TCF12: variants seen among roughly 807,000 people sequenced by gnomAD.
TCF12 encodes the protein transcription factor 12, also known as DNA-binding protein HTF4.
Under a neutral mutation model 86.0 loss-of-function variants are expected in TCF12, and 45 were observed. That is an observed-to-expected ratio of 0.52 (90% CI 0.41 to 0.67). The LOEUF (loss-of-function observed/expected upper bound fraction) is 0.67, where lower values mean the gene tolerates loss of function less well. TCF12 is among the 30% of genes least tolerant of loss of function. The pLI is 0.00. For synonymous variants in TCF12, 330 were observed against 299.6 expected (o/e 1.10, Z -1.05); for missense variants, 881 against 859.9 (o/e 1.02, Z -0.31).
At chr15:56,922,226 C>T (rs1440662345) in intron 3 of TCF12, among the ~76,000 whole-genome samples, 3 of 151,888 alleles carry the variant, frequency 2.0e-5, no homozygotes, top group African/African-American at 7.2e-5. Flanking sequence ...ACTAATAATT[C>T]ATTCTCAGGA....
intron 5 of TCF12, among the ~76,000 whole-genome samples, chr15:57,100,342 A>G (rs1220959560): frequency 6.6e-6 from 1 of 151,914 alleles, no homozygotes; most frequent in East Asian, 1.9e-4. Flanking sequence ...AATTTGGGAC[A>G]CTGTTTTGAT....
In TCF12 at chr15:57,135,454, C is replaced by T. The variant is rs189030738; in HGVS notation, c.326-30948C>T. Among the ~76,000 whole-genome samples the T allele has an allele frequency of 7.2e-5, 11 of 152,120 alleles. No homozygotes were observed. The East Asian group carries it at 7.7e-4, about 11-fold the overall frequency. On this transcript the variant is annotated intron_variant, in intron 5 of 20. Transcript: ENST00000333725. ...TAAGCTGATACTGCTTTTGTCTTTA[C>T]GGTAGTATCCAAAATGAATTTTCCT...
rs1276995910 is a variant in TCF12 at position 57,113,213 on chromosome 15, C to G, written c.325+21322C>G. Reference sequence around the variant, plus strand: ...AATATTCACTTTCACAAGTTTTTGCCTTTCCTAGATGACACTGAATTTCTT... The same window carrying G: ...AATATTCACTTTCACAAGTTTTTGCGTTTCCTAGATGACACTGAATTTCTT... On this transcript the variant is annotated intron_variant, in intron 5 of 20. Transcript: ENST00000333725. Among the ~76,000 whole-genome samples the G allele has an allele frequency of 2.6e-5, 4 of 152,160 alleles. No homozygotes were observed. The East Asian group carries it at 5.8e-4, about 22-fold the overall frequency.
intron 8 of TCF12, among the ~76,000 whole-genome samples, chr15:57,209,794 C>T (rs1566920303): frequency 6.6e-6 from 1 of 152,150 alleles, no homozygotes; most frequent in Non-Finnish European, 1.5e-5. Flanking sequence ...AAGACACCTG[C>T]CACCTTTCAG....
At chr15:57,142,559 A>C (rs1176304221) in intron 5 of TCF12, among the ~76,000 whole-genome samples, 1 of 152,228 alleles carries the variant, frequency 6.6e-6, no homozygotes, top group African/African-American at 2.4e-5. Context: ...AATTCTTTGA[A>C]TAAAGTAGGA....
chr15:57,127,650 A>G (rs755601666), intron 5 of TCF12, among the ~76,000 whole-genome samples: 10 of 152,230 alleles, frequency 6.6e-5, no homozygotes, highest in Admixed American at 2.0e-4. Flanking sequence ...ATAGTAATCA[A>G]TAGTAAAAAC....
At position 56,919,929 on chromosome 15, in the gene TCF12, C is replaced by G. The variant is rs1318106146; in HGVS notation, c.16C>G (p.Gln6Glu). Residue 6 changes from glutamine (Q) to glutamate (E), a missense_variant, in exon 2 of 21, where the codon CAA becomes GAA. Gln to Glu is a conservative substitution (Grantham distance 29). This residue lies in a region of TCF12 where 766 missense variants were observed against 718.9 expected (regional missense o/e 1.07). Coordinates refer to ENST00000333725, the MANE Select transcript of TCF12 (RefSeq NM_207037.2). MNPQQ[Q>E]RMAAIGTDKE... ...GTGGCCGAAGATGAATCCCCAGCAA[C>G]AACGCATGGCCGCTATAGGGACCGA... 4 of 1,614,096 alleles carry G rather than the reference C, an allele frequency of 2.5e-6. No individual in the cohort carries two copies. The highest frequency in any genetic ancestry group is 3.4e-6 in the Non-Finnish European group (4 of 1,179,990).
chr15:57,183,832 A>C (rs1337112021), intron 6 of TCF12, among the ~76,000 whole-genome samples: 4 of 152,156 alleles, frequency 2.6e-5, no homozygotes, highest in Non-Finnish European at 5.9e-5. Flanking sequence ...AATTTGTTCA[A>C]GATTACCAGT....
At chr15:57,270,057 G>T (rs947244529) in intron 18 of TCF12, among the ~76,000 whole-genome samples, 16 of 152,146 alleles carry the variant, frequency 1.1e-4, no homozygotes, top group African/African-American at 3.4e-4. Flanking sequence ...ATCTTGAGGA[G>T]TATCTTTGTG....
At chr15:56,978,707 A>G (rs774377855) in intron 3 of TCF12, among the ~76,000 whole-genome samples, 30 of 152,196 alleles carry the variant, frequency 2.0e-4, no homozygotes, top group Non-Finnish European at 3.7e-4. Flanking sequence ...TTTCCTTGAT[A>G]GAAAAATATC....
At chr15:57,214,695 A>G (rs1213999232) in intron 8 of TCF12, among the ~76,000 whole-genome samples, 1 of 152,206 alleles carries the variant, frequency 6.6e-6, no homozygotes, top group East Asian at 1.9e-4. Context: ...TTGATATCCA[A>G]ATAAGTTATT....
chr15:57,209,534 T>C (rs1394637368), intron 8 of TCF12, among the ~76,000 whole-genome samples: 1 of 152,242 alleles, frequency 6.6e-6, no homozygotes, highest in Non-Finnish European at 1.5e-5. Context: ...TATATTTCTC[T>C]TACTAGAATT....
At chr15:57,037,749 C>G (rs2066606365) in intron 3 of TCF12, among the ~76,000 whole-genome samples, 2 of 152,144 alleles carry the variant, frequency 1.3e-5, no homozygotes, top group Non-Finnish European at 2.9e-5. Flanking sequence ...TTTCCTTTTT[C>G]ATTCTTATGA....
intron 3 of TCF12, among the ~76,000 whole-genome samples, chr15:56,940,465 C>T (rs574379483): frequency 3.3e-5 from 5 of 150,306 alleles, no homozygotes; most frequent in Non-Finnish European, 7.4e-5. Context: ...TTTCTTCTTC[C>T]TCTTCTTCTT....
chr15:57,252,505 T>A lies in TCF12; in HGVS notation c.1260+13T>A, dbSNP rs781186073. Reference sequence around the variant, plus strand: ...GGATGTCTGTGAGGTACTATTTCTTTTAGATGGTGCCTTTTTTGTGTTTCA... The same window carrying A: ...GGATGTCTGTGAGGTACTATTTCTTATAGATGGTGCCTTTTTTGTGTTTCA... On this transcript the variant is annotated intron_variant, in intron 15 of 20. Coordinates refer to ENST00000333725, the MANE Select transcript of TCF12 (RefSeq NM_207037.2). 3.1e-6 allele frequency: 5 copies of A among 1,610,284 alleles called. No homozygotes were observed. The highest frequency in any genetic ancestry group is 4.2e-6 in the Non-Finnish European group (5 of 1,176,812).
chr15:57,173,532 A>G (rs1366145788), intron 6 of TCF12, among the ~76,000 whole-genome samples: 5 of 152,120 alleles, frequency 3.3e-5, no homozygotes, highest in Admixed American at 2.0e-4. Flanking sequence ...AAGAACACAA[A>G]TTACCAGAAT....
chr15:57,052,498 C>G (rs771877995), intron 3 of TCF12, among the ~76,000 whole-genome samples: 3 of 151,770 alleles, frequency 2.0e-5, no homozygotes, highest in Non-Finnish European at 4.4e-5. Context: ...TTACCCGGGC[C>G]TGGTAGTGGG....
At chr15:57,187,793 G>T (rs1364281307) in intron 6 of TCF12, among the ~76,000 whole-genome samples, 6 of 152,104 alleles carry the variant, frequency 3.9e-5, no homozygotes, top group African/African-American at 1.4e-4. Flanking sequence ...AGCCGGACAT[G>T]GTGGTGCACG....
chr15:57,261,132 C>T (rs1409725734), intron 16 of TCF12, among the ~76,000 whole-genome samples: 6 of 152,046 alleles, frequency 3.9e-5, no homozygotes, highest in African/African-American at 1.4e-4. Context: ...GGAGTAGTGA[C>T]ACAAATAATG....
Sources: gnomAD v4.1 joint callset for allele counts (sites outside exome capture counted in the v4.1 genomes callset) on GRCh38, gnomAD v4.1.1 for gene constraint, gnomAD v4.1.1 regional missense constraint, MANE v1.5 for transcripts, NCBI Gene and HGNC (gene_info 2026-07-23, HGNC 2026-07-21) for gene names.